The following DHX36 variants were observed in gnomAD, a reference collection of about 807,000 sequenced individuals.
DHX36 encodes the protein ATP-dependent DNA/RNA helicase DHX36.
Under a neutral mutation model 139.0 loss-of-function variants are expected in DHX36, and 50 were observed. That is an observed-to-expected ratio of 0.36 (90% CI 0.29 to 0.46). The LOEUF (loss-of-function observed/expected upper bound fraction) is 0.46, where lower values mean the gene tolerates loss of function less well. DHX36 is among the 20% of genes least tolerant of loss of function. DHX36 has a pLI of 1.00. For missense variants in DHX36, 1,024 were observed against 1,211.3 expected (o/e 0.85, Z 2.29); for synonymous variants, 425 against 401.9 (o/e 1.06, Z -0.69).
In DHX36 at chr3:154,284,963, ATTC is replaced by A. The variant is rs773557405; in HGVS notation, c.2053_2055del (p.Glu685del). 7 of 1,614,186 alleles carry A rather than the reference ATTC, an allele frequency of 4.3e-6. No individual in the cohort carries two copies. The highest frequency in any genetic ancestry group is 2.2e-5 in the East Asian group (1 of 44,876). ...GCCAAGTGGACTCCAAGAGGTGTCA[ATTC>A]TTCTTGTTTATCCAAAGCGTTCTGT... On this transcript the variant is annotated inframe_deletion, in exon 18 of 25. Transcript: ENST00000496811.
intron 5 of DHX36, among the ~76,000 whole-genome samples, chr3:154,307,813 C>G (rs778181491): frequency 2.1e-5 from 3 of 144,724 alleles, no homozygotes; most frequent in Non-Finnish European, 3.0e-5. Flanking sequence ...AAAAAAAATA[C>G]TTGTCTTGCA....
intron 5 of DHX36, among the ~76,000 whole-genome samples, chr3:154,307,880 T>C (rs1005209045): frequency 1.3e-5 from 2 of 152,046 alleles, no homozygotes; most frequent in Non-Finnish European, 2.9e-5. Flanking sequence ...TAAGTGCTCA[T>C]CAATGGATGA....
intron 4 of DHX36, among the ~76,000 whole-genome samples, chr3:154,310,831 A>ATATG (rs1712731158): frequency 4.4e-5 from 2 of 45,414 alleles, no homozygotes; most frequent in Non-Finnish European, 7.4e-5. Context: ...ATATATATAT[A>ATATG]TATATATATA....
rs1719039693 is a variant in DHX36 at position 154,272,952 on chromosome 3, G to T, written c.*3219C>A. The T allele has an allele frequency of 6.6e-6, 1 of 152,152 alleles. No homozygotes were observed. Among genetic ancestry groups the T allele is most frequent in the South Asian group, 2.1e-4 (1 of 4,826 alleles). 9.4% of individuals were successfully genotyped at this position (152,152 alleles called of 1,614,324 possible). ...GCAACAATTGGTGTAAGTTTATCTA[G>T]AGCTTTTGCCCAAATTAATTAATTG... On this transcript the variant is annotated 3_prime_UTR_variant, in exon 25 of 25. Coordinates refer to ENST00000496811, the MANE Select transcript of DHX36 (RefSeq NM_020865.3).
intron 3 of DHX36, among the ~76,000 whole-genome samples, chr3:154,313,304 AC>A (rs1712841723): frequency 6.6e-6 from 1 of 152,132 alleles, no homozygotes; most frequent in Non-Finnish European, 1.5e-5. Flanking sequence ...TACTTTGTTA[AC>A]TTTTGACCAT....
chr3:154,276,484 G>A (rs953503987), intron 24 of DHX36, 128 bp from the exon 25 acceptor site: 4 of 928,322 alleles, frequency 4.3e-6, no homozygotes, highest in South Asian at 1.7e-5. Context: ...AACATTTAGT[G>A]AGCAATCAAC....
chr3:154,303,722 TC>T (rs1712388360), intron 8 of DHX36, among the ~76,000 whole-genome samples: 1 of 152,212 alleles, frequency 6.6e-6, no homozygotes, highest in South Asian at 2.1e-4. Flanking sequence ...TTTCTCTTCA[TC>T]ATTAACCCAG....
At chr3:154,321,133 A>G (rs1442815841) in intron 1 of DHX36, among the ~76,000 whole-genome samples, 1 of 152,232 alleles carries the variant, frequency 6.6e-6, no homozygotes, top group Admixed American at 6.5e-5. Context: ...AGATAATTAA[A>G]TATTATTTTA....
At chr3:154,318,754 G>A (rs760392635) in intron 1 of DHX36, among the ~76,000 whole-genome samples, 47 of 152,198 alleles carry the variant, frequency 3.1e-4, no homozygotes, top group Non-Finnish European at 5.1e-4. Flanking sequence ...CTTTCTGCAA[G>A]TATATAAACA....
Position 154,324,451 on chromosome 3 carries a change from AC to A in DHX36, c.-36del. The A allele has an allele frequency of 6.9e-7, 1 of 1,449,726 alleles. No homozygotes were observed. Among genetic ancestry groups the A allele is most frequent in the Non-Finnish European group, 9.1e-7 (1 of 1,104,196 alleles). 89.8% of individuals were successfully genotyped at this position (1,449,726 alleles called of 1,614,324 possible). On this transcript the variant is annotated 5_prime_UTR_variant, in exon 1 of 25. Coordinates refer to ENST00000496811, the MANE Select transcript of DHX36 (RefSeq NM_020865.3). ...AGACTACAACCCGTCAGAACCAGCA[AC>A]CGCTGGAAATGGCGTCCGGGCCCGG...
intron 17 of DHX36, among the ~76,000 whole-genome samples, chr3:154,287,266 AT>A (rs937571553): frequency 7.9e-5 from 12 of 152,206 alleles, no homozygotes; most frequent in Admixed American, 6.5e-4. Context: ...AAAACAGTAA[AT>A]TTTTTTTAAA....
Position 154,276,182 on chromosome 3 carries a change from A to T in DHX36, c.3016T>A (p.Tyr1006Asn). The change falls in exon 25 of 25, where the codon TAT becomes AAT. Residue 1006 changes from tyrosine (Y) to asparagine (N), a missense_variant. By Grantham distance (143) the Tyr-to-Asn change is moderately radical. Around this residue, in one of 4 missense-constraint regions of DHX36, gnomAD observed 470 missense variants for 616.2 expected, o/e 0.76. Transcript: ENST00000496811. ...RNFPPRFQDGYYS is the reference protein window; with the variant it reads ...RNFPPRFQDGNYS Reference sequence around the variant, plus strand: ...CCCCTGAAAAGCTGTCAGCTGTAATATCCATCCTGGAATCGTGGCGGAAAG... The same window carrying T: ...CCCCTGAAAAGCTGTCAGCTGTAATTTCCATCCTGGAATCGTGGCGGAAAG... 1 of 1,611,594 alleles carries T rather than the reference A, an allele frequency of 6.2e-7. No homozygotes were observed. The highest frequency in any genetic ancestry group is 8.5e-7 in the Non-Finnish European group (1 of 1,179,250).
chr3:154,290,497 TG>T (rs1424697154), intron 15 of DHX36, among the ~76,000 whole-genome samples: 1 of 151,598 alleles, frequency 6.6e-6, no homozygotes, highest in Non-Finnish European at 1.5e-5. Flanking sequence ...AAAAATTAGC[TG>T]GGTGTGGTGG....
Position 154,284,431 on chromosome 3 carries a change from T to C in DHX36, c.2292+152A>G. 4.8e-6 allele frequency: 3 copies of C among 622,324 alleles called. No homozygotes were observed. The South Asian group carries it at 6.7e-5, about 14-fold the overall frequency. 38.6% of individuals were successfully genotyped at this position (622,324 alleles called of 1,614,324 possible). ...CCTGACTTCAGGTGATACACCTGCC[T>C]CAGCCTCCCAAAGTGCTATGATTAC... On this transcript the variant is annotated intron_variant, in intron 19 of 24. Coordinates refer to ENST00000496811, the MANE Select transcript of DHX36 (RefSeq NM_020865.3).
At position 154,272,746 on chromosome 3, in the gene DHX36, A is replaced by G. The variant is rs967799102; in HGVS notation, c.*3425T>C. On this transcript the variant is annotated 3_prime_UTR_variant, in exon 25 of 25. Transcript: ENST00000496811. ...AAAGCAATTAGCATATTAAAAATAT[A>G]TAAGTATACATGATCACAATGACTT... The G allele has an allele frequency of 5.3e-5, 8 of 152,226 alleles. No homozygotes were observed. In the East Asian group the frequency reaches 7.7e-4, roughly 15 times the overall value. The allele number at this position is 152,226 out of a possible 1,614,324, so 9.4% of individuals were successfully genotyped here.
chr3:154,310,577 T>C (rs1038265573), intron 4 of DHX36, among the ~76,000 whole-genome samples: 1 of 150,710 alleles, frequency 6.6e-6, no homozygotes, highest in Non-Finnish European at 1.5e-5. Context: ...GGTCAGGAGA[T>C]TGAGACCATC....
rs948540020 is a variant in DHX36 at position 154,274,848 on chromosome 3, G to C, written c.*1323C>G. ...CAGAATAAGCAAGCAAGAAGGGAGGGACAAAATAGTTGCTGGCCGGCAACC... is the reference window on the plus strand; with the variant it reads ...CAGAATAAGCAAGCAAGAAGGGAGGCACAAAATAGTTGCTGGCCGGCAACC... On this transcript the variant is annotated 3_prime_UTR_variant, in exon 25 of 25. Transcript: ENST00000496811. 3 of 152,158 alleles carry C rather than the reference G, an allele frequency of 2.0e-5. No homozygotes were observed. Among genetic ancestry groups the C allele is most frequent in the Non-Finnish European group, 4.4e-5 (3 of 68,058 alleles). 9.4% of individuals were successfully genotyped at this position (152,158 alleles called of 1,614,324 possible).
In DHX36 at chr3:154,314,792, T is replaced by G. The variant is rs146162955; in HGVS notation, c.603+254A>C. On this transcript the variant is annotated intron_variant, in intron 3 of 24. Transcript: ENST00000496811. ...AAAAGCTGAAGAGTAAGTTTTTTTT[T>G]CATTGGCACTAGCATTTCTCAAACA... The G allele has an allele frequency of 1.1e-3, 353 of 312,582 alleles. 4 individuals carry two copies. The highest frequency in any genetic ancestry group is 6.3e-3 in the African/African-American group (293 of 46,566). 19.4% of individuals were successfully genotyped at this position (312,582 alleles called of 1,614,324 possible). A position where few individuals can be genotyped will look rare whatever the true frequency, so the allele number is the denominator to read the frequency against.
intron 3 of DHX36, chr3:154,312,214 C>G (rs1712787503): frequency 6.6e-6 from 1 of 152,022 alleles, no homozygotes; most frequent in African/African-American, 2.4e-5. Context: ...ATGAATGCCT[C>G]AAAGATTTTA....
Sources: allele counts gnomAD v4.1 joint callset (sites outside exome capture counted in the v4.1 genomes callset), GRCh38; gene constraint gnomAD v4.1.1; regional missense constraint gnomAD v4.1.1; transcripts MANE v1.5; gene names NCBI Gene and HGNC (gene_info 2026-07-23, HGNC 2026-07-21).